Variants in BORCS7 observed in about 807,000 individuals in gnomAD.
BORCS7 encodes the protein BLOC-1 related complex subunit 7, also known as BLOC-1-related complex subunit 7.
A neutral mutation model predicts 17.5 loss-of-function variants in BORCS7; 20 were observed. The ratio of observed to expected loss-of-function variants is 1.14; its 90% CI spans 0.80 to 1.66. BORCS7 has a LOEUF of 1.66. BORCS7 is among the 40% of genes most tolerant of loss of function. The pLI is 0.00. For missense variants in BORCS7, 122 were observed against 129.7 expected (o/e 0.94, Z 0.29); for synonymous variants, 57 against 49.8 (o/e 1.14, Z -0.61).
In BORCS7 at chr10:102,862,189, C is replaced by A. The variant is rs1844532851; in HGVS notation, c.269+9C>A. 6.2e-7 allele frequency: 1 copy of A among 1,608,412 alleles called. No individual in the cohort carries two copies. The highest frequency in any genetic ancestry group is 8.5e-7 in the Non-Finnish European group (1 of 1,175,048). ...GAAGCTATTCAGAAGAAGTAAGTAACCCCAAAGGTAGAGGAGTAGGGAACC... is the reference window on the plus strand; with the variant it reads ...GAAGCTATTCAGAAGAAGTAAGTAAACCCAAAGGTAGAGGAGTAGGGAACC... On this transcript the variant is annotated intron_variant, in intron 4 of 4. Transcript: ENST00000339834.
chr10:102,863,031 A>C lies in BORCS7; in HGVS notation c.*107A>C. ...TTTTCTATTTTCTTCTCCAAAAGTTAAGTTAGAAAAGTTCTGTGTTAGGGC... is the reference window on the plus strand; with the variant it reads ...TTTTCTATTTTCTTCTCCAAAAGTTCAGTTAGAAAAGTTCTGTGTTAGGGC... On this transcript the variant is annotated 3_prime_UTR_variant, in exon 5 of 5. Transcript: ENST00000339834. 1 of 1,092,614 alleles carries C rather than the reference A, an allele frequency of 9.2e-7. No homozygotes were observed. Among genetic ancestry groups the C allele is most frequent in the Non-Finnish European group, 1.4e-6 (1 of 719,202 alleles). The allele number at this position is 1,092,614 out of a possible 1,614,324, so 67.7% of individuals were successfully genotyped here.
At position 102,854,271 on chromosome 10, in the gene BORCS7, C is replaced by A. The variant is rs768900369; in HGVS notation, c.-16C>A. ...GCGACTCACCATCGTCAGTGCGCAA[C>A]CGTTCGCTAACTGAAATGATGGCGA... On this transcript the variant is annotated 5_prime_UTR_variant, in exon 1 of 5. Transcript: ENST00000339834. 3 of 1,604,274 alleles carry A rather than the reference C, an allele frequency of 1.9e-6. No homozygotes were observed. In the South Asian group the frequency reaches 3.4e-5, roughly 18 times the overall value.
In BORCS7 at chr10:102,860,393, AT is replaced by A. The variant is rs1394862485; in HGVS notation, c.204del (p.Asp68GlufsTer3). 1 of 1,613,906 alleles carries A rather than the reference AT, an allele frequency of 6.2e-7. No homozygotes were observed. The highest frequency in any genetic ancestry group is 8.5e-7 in the Non-Finnish European group (1 of 1,179,872). ...LQEDAILHSE[D>X]SLRKMAIITT... ...GAAGATGCCATCTTGCACTCAGAAG[AT>A]GTAAGAAACAACTTTTTTTTTTAAT... On this transcript the variant is annotated frameshift_variant and splice_region_variant, in exon 2 of 5. Coordinates refer to ENST00000339834, the MANE Select transcript of BORCS7 (RefSeq NM_001136200.2). LOFTEE classifies it high-confidence loss of function.
At chr10:102,856,275 G>C (rs1239177328) in intron 1 of BORCS7, among the ~76,000 whole-genome samples, 2 of 152,002 alleles carry the variant, frequency 1.3e-5, no homozygotes, top group Non-Finnish European at 2.9e-5. Context: ...TCTGTGGGCT[G>C]GGCGCAGTGG....
Position 102,864,152 on chromosome 10 carries a change from A to G in BORCS7, c.*1228A>G, listed in dbSNP as rs1215948664. The G allele has an allele frequency of 6.6e-6, 1 of 152,196 alleles. No individual in the cohort carries two copies. Among genetic ancestry groups the G allele is most frequent in the Non-Finnish European group, 1.5e-5 (1 of 68,046 alleles). The allele number at this position is 152,196 out of a possible 1,614,324, so 9.4% of individuals were successfully genotyped here. ...TTCATTGACTAAGAGATTGAGAGAA[A>G]TCTGACATAAGAAAATATTGTTTTC... On this transcript the variant is annotated 3_prime_UTR_variant, in exon 5 of 5. Transcript: ENST00000339834.
rs144882549 is a variant in BORCS7, at chr10:102,857,753, G to A, written c.142-2579G>A. Among the ~76,000 whole-genome samples the A allele has an allele frequency of 4.6e-5, 7 of 152,340 alleles. No homozygotes were observed. The East Asian group carries it at 1.3e-3, about 29-fold the overall frequency. On this transcript the variant is annotated intron_variant, in intron 1 of 4. Coordinates refer to ENST00000339834, the MANE Select transcript of BORCS7 (RefSeq NM_001136200.2). The stretch of plus-strand genomic sequence containing the variant: ...GAATAATGTTATGGTCACCTGTAGA[G>A]TGTGGTACTCTGCAGTTGTAAAAGA...
intron 1 of BORCS7, 148 bp downstream of exon 1, chr10:102,854,575 C>A: frequency 1.0e-6 from 1 of 975,778 alleles, no homozygotes; most frequent in Non-Finnish European, 1.5e-6. Flanking sequence ...GCGCGTGTTG[C>A]ATTCTGGGGT....
intron 4 of BORCS7, 102 bp from the exon 5 acceptor site, chr10:102,862,771 G>A (rs1844540350): frequency 1.1e-6 from 1 of 950,470 alleles, no homozygotes; most frequent in Non-Finnish European, 1.7e-6. Flanking sequence ...AGCATAGTGA[G>A]ACCCTGTCTG....
chr10:102,858,960 G>A (rs993793529), intron 1 of BORCS7, among the ~76,000 whole-genome samples: 1 of 151,594 alleles, frequency 6.6e-6, no homozygotes, highest in Admixed American at 6.6e-5. Context: ...CCAGGAGCAG[G>A]GTGCAGTATT....
chr10:102,857,368 T>C (rs193259500), intron 1 of BORCS7, among the ~76,000 whole-genome samples: 1 of 152,268 alleles, frequency 6.6e-6, no homozygotes, highest in Non-Finnish European at 1.5e-5. Flanking sequence ...TTGGAACCCT[T>C]TTTTTTCTGC....
intron 1 of BORCS7, among the ~76,000 whole-genome samples, chr10:102,855,251 TG>T (rs1337325907): frequency 6.6e-6 from 1 of 150,530 alleles, no homozygotes; most frequent in Non-Finnish European, 1.5e-5. Flanking sequence ...TTCCGCCTCC[TG>T]GGTTCAAGTG....
chr10:102,857,366 C>CT (rs941797540), intron 1 of BORCS7, among the ~76,000 whole-genome samples: 1 of 151,922 alleles, frequency 6.6e-6, no homozygotes, highest in Non-Finnish European at 1.5e-5. Context: ...TGTTGGAACC[C>CT]TTTTTTTTCT....
At chr10:102,857,374 T>C (rs1844444134) in intron 1 of BORCS7, among the ~76,000 whole-genome samples, 1 of 152,216 alleles carries the variant, frequency 6.6e-6, no homozygotes, top group African/African-American at 2.4e-5. Context: ...CCCTTTTTTT[T>C]CTGCCATCGG....
At chr10:102,861,656 G>A (rs1844522266) in intron 3 of BORCS7, among the ~76,000 whole-genome samples, 1 of 152,024 alleles carries the variant, frequency 6.6e-6, no homozygotes, top group East Asian at 1.9e-4. Context: ...GACGGAAATG[G>A]CAGTGAGCTG....
intron 3 of BORCS7, 153 bp downstream of exon 3, chr10:102,860,694 T>G (rs1844503153): frequency 2.7e-6 from 2 of 746,284 alleles, no homozygotes; most frequent in Non-Finnish European, 4.5e-6. Context: ...CAAAGATGCC[T>G]GAGACTACAG....
Position 102,856,573 on chromosome 10 carries a change from C to T in BORCS7, c.141+2146C>T, listed in dbSNP as rs547177790. ...AGAAACACTTGTTGAAGATGAGTAG[C>T]TAAGACAAATTGTTATTGAGTTAAT... On this transcript the variant is annotated intron_variant, in intron 1 of 4. Coordinates refer to ENST00000339834, the MANE Select transcript of BORCS7 (RefSeq NM_001136200.2). 5.3e-5 allele frequency among the ~76,000 whole-genome samples: 8 copies of T among 152,206 alleles called. 1 individual carries two copies. The highest frequency in any genetic ancestry group is 1.7e-4 in the African/African-American group (7 of 41,528).
At chr10:102,861,338 C>T (rs932002777) in intron 3 of BORCS7, among the ~76,000 whole-genome samples, 3 of 151,330 alleles carry the variant, frequency 2.0e-5, no homozygotes, top group Non-Finnish European at 4.4e-5. Flanking sequence ...ATTGCTTGAA[C>T]CTGGGAGGTG....
At chr10:102,854,464 G>C in intron 1 of BORCS7, 37 bp downstream of exon 1, 2 of 1,509,302 alleles carry the variant, frequency 1.3e-6, no homozygotes, top group Non-Finnish European at 1.8e-6. Flanking sequence ...CTGATAGTCC[G>C]GGGAGTCGCA....
chr10:102,862,123 A>G (rs1030490073), intron 3 of BORCS7, 37 bp from the exon 4 acceptor site: 1 of 1,572,732 alleles, frequency 6.4e-7, no homozygotes, highest in Non-Finnish European at 8.7e-7. Flanking sequence ...TTATTAGTTC[A>G]CTTATGTGTA....
Sources: allele counts gnomAD v4.1 joint callset (sites outside exome capture counted in the v4.1 genomes callset), GRCh38; gene constraint gnomAD v4.1.1; transcripts MANE v1.5; gene names NCBI Gene and HGNC (gene_info 2026-07-23, HGNC 2026-07-21).